CRLF3: variants seen among roughly 807,000 people sequenced by gnomAD.
The protein encoded by CRLF3 is cytokine receptor-like factor 3.
CRLF3 carries 33 observed loss-of-function variants against 55.0 expected under a neutral mutation model. That is an observed-to-expected ratio of 0.60 (90% CI 0.46 to 0.80). The LOEUF (loss-of-function observed/expected upper bound fraction) is 0.80, where lower values mean the gene tolerates loss of function less well. Among genes scored for constraint, CRLF3 ranks in the 30% least tolerant of loss-of-function variants. The pLI, the probability that CRLF3 is intolerant of heterozygous loss-of-function variation, is 0.00. For missense variants in CRLF3, 494 were observed against 538.4 expected, an observed-to-expected ratio of 0.92 and a Z score of 0.82; for synonymous variants, 238 against 196.8, an observed-to-expected ratio of 1.21 and a Z score of -1.75.
chr17:30,820,850 A>T (rs2142277212), intron 1 of CRLF3, among the ~76,000 whole-genome samples: 2 of 149,180 alleles, frequency 1.3e-5, no homozygotes, highest in Middle Eastern at 7.1e-3. Flanking sequence ...AAAAAGGAAG[A>T]AACTGTCTGG....
intron 2 of CRLF3, among the ~76,000 whole-genome samples, chr17:30,800,806 G>A (rs1323690473): frequency 4.4e-5 from 6 of 135,236 alleles, no homozygotes; most frequent in Non-Finnish European, 7.7e-5. Context: ...ACGGAGTCTC[G>A]CTCTGTCGCC....
At position 30,786,039 on chromosome 17, in the gene CRLF3, T is replaced by C. The variant is rs186684161; in HGVS notation, c.960-8A>G. The C allele has an allele frequency of 2.1e-4, 315 of 1,472,380 alleles. No individual in the cohort carries two copies. In the African/African-American group the frequency reaches 3.7e-3, roughly 17 times the overall value. The allele number at this position is 1,472,380 out of a possible 1,614,324, so 91.2% of individuals were successfully genotyped here. A position where few individuals can be genotyped will look rare whatever the true frequency, so the allele number is the denominator to read the frequency against. On this transcript the variant is annotated splice_region_variant and splice_polypyrimidine_tract_variant and intron_variant, in intron 6 of 7. Coordinates refer to ENST00000324238, the MANE Select transcript of CRLF3 (RefSeq NM_015986.4). ...TGTCCCACAGTTTCAACTCTGTAAA[T>C]GAAGTAGAAAGGTCATTTCATACTT...
At chr17:30,797,260 G>T in intron 3 of CRLF3, 51 bp downstream of exon 3, 1 of 1,243,738 alleles carries the variant, frequency 8.0e-7, no homozygotes, top group Non-Finnish European at 1.2e-6. Context: ...GAAAAAAGCA[G>T]ACATAGTTTA....
intron 7 of CRLF3, among the ~76,000 whole-genome samples, chr17:30,785,671 A>G (rs1188097769): frequency 6.6e-6 from 1 of 151,676 alleles, no homozygotes; most frequent in East Asian, 1.9e-4. Context: ...AGTCCCGGCT[A>G]CTCAGGAGGC....
chr17:30,792,595 A>G (rs202094313), intron 5 of CRLF3, 23 bp from the exon 6 acceptor site: 2 of 1,586,256 alleles, frequency 1.3e-6, no homozygotes, highest in Non-Finnish European at 1.7e-6. Context: ...AAAGATATTG[A>G]AAACTGTTAG....
At chr17:30,795,765 G>A (rs1477757341) in intron 4 of CRLF3, among the ~76,000 whole-genome samples, 11 of 152,042 alleles carry the variant, frequency 7.2e-5, no homozygotes, top group Middle Eastern at 6.8e-3. Context: ...GTGAAACCTC[G>A]TCTCTACAAA....
At chr17:30,792,363 G>C in intron 6 of CRLF3, 77 bp downstream of exon 6, 1 of 1,348,488 alleles carries the variant, frequency 7.4e-7, no homozygotes, top group African/African-American at 1.4e-5. Context: ...AGGATGTTTT[G>C]AATTCAAAGC....
intron 5 of CRLF3, 27 bp from the exon 6 acceptor site, chr17:30,792,599 C>T (rs1376733871): frequency 6.3e-7 from 1 of 1,581,950 alleles, no homozygotes; most frequent in South Asian, 1.1e-5. Context: ...ATATTGAAAA[C>T]TGTTAGAATC....
chr17:30,792,325 C>T (rs1971820264), intron 6 of CRLF3, 115 bp downstream of exon 6: 1 of 945,388 alleles, frequency 1.1e-6, no homozygotes, highest in Admixed American at 2.1e-5. Flanking sequence ...CCCACAGTAA[C>T]ACTGCCTATA....
At chr17:30,816,488 C>CTTTTTTTT (rs1183953028) in intron 1 of CRLF3, among the ~76,000 whole-genome samples, 30 of 117,442 alleles carry the variant, frequency 2.6e-4, no homozygotes, top group Middle Eastern at 4.8e-3. Context: ...TTCTTTCTTT[C>CTTTTTTTT]TTTTTTTTTT....
At position 30,793,652 on chromosome 17, in the gene CRLF3, G is replaced by C; in HGVS notation, c.624C>G (p.Ala208=). ...TACGAAACTGGAGCCTGTAATCTTG[G>C]GCTGTAAAGTCATCATCCACCTAGG... ...RWCKVDDDFT[A]QDYRLQFRKC... The change falls in exon 5 of 8, where the codon GCC becomes GCG. Residue 208 remains alanine (A), a synonymous_variant. Transcript: ENST00000324238. The C allele has an allele frequency of 6.2e-7, 1 of 1,613,200 alleles. No homozygotes were observed. The highest frequency in any genetic ancestry group is 8.5e-7 in the Non-Finnish European group (1 of 1,179,376).
At chr17:30,805,945 C>G (rs1462153727) in intron 1 of CRLF3, among the ~76,000 whole-genome samples, 1 of 152,108 alleles carries the variant, frequency 6.6e-6, no homozygotes, top group African/African-American at 2.4e-5. Flanking sequence ...ATCACCTGAG[C>G]CCAGGGGGTC....
At chr17:30,785,856 G>C in intron 7 of CRLF3, 63 bp downstream of exon 7, 2 of 879,328 alleles carry the variant, frequency 2.3e-6, no homozygotes, top group South Asian at 1.5e-5. Flanking sequence ...AACTGGAACA[G>C]ATTCACATAT....
chr17:30,791,396 G>A (rs993331331), intron 6 of CRLF3, among the ~76,000 whole-genome samples: 3 of 151,740 alleles, frequency 2.0e-5, no homozygotes, highest in Admixed American at 2.0e-4. Context: ...TAGTAAAGAT[G>A]GGGTTTTACC....
chr17:30,806,689 C>G (rs1271139621), intron 1 of CRLF3, among the ~76,000 whole-genome samples: 2 of 152,144 alleles, frequency 1.3e-5, no homozygotes, highest in African/African-American at 4.8e-5. Context: ...GGGTCTCACT[C>G]TGTTGCACAT....
At chr17:30,807,689 C>T (rs1394458223) in intron 1 of CRLF3, among the ~76,000 whole-genome samples, 2 of 151,518 alleles carry the variant, frequency 1.3e-5, no homozygotes, top group African/African-American at 4.9e-5. Context: ...CATGCCACCA[C>T]GCCTGGCTAA....
In CRLF3 at chr17:30,783,037, T is replaced by C. The variant is rs1971534897; in HGVS notation, c.*1150A>G. Reference sequence around the variant, plus strand: ...TAAGTAAGTTTTTAAAAAAAATAAGTATTTACGCTATATTTTTTTGCTCTG... The same window carrying C: ...TAAGTAAGTTTTTAAAAAAAATAAGCATTTACGCTATATTTTTTTGCTCTG... On this transcript the variant is annotated 3_prime_UTR_variant, in exon 8 of 8. Coordinates refer to ENST00000324238, the MANE Select transcript of CRLF3 (RefSeq NM_015986.4). The C allele has an allele frequency of 6.6e-6, 1 of 152,088 alleles. No individual in the cohort carries two copies. Among genetic ancestry groups the C allele is most frequent in the South Asian group, 2.1e-4 (1 of 4,834 alleles). The allele number at this position is 152,088 out of a possible 1,614,324, so 9.4% of individuals were successfully genotyped here.
chr17:30,789,925 AGG>A (rs1971750014), intron 6 of CRLF3, among the ~76,000 whole-genome samples: 1 of 152,130 alleles, frequency 6.6e-6, no homozygotes, highest in Non-Finnish European at 1.5e-5. Flanking sequence ...TAAGCAGAGA[AGG>A]GGTATGTAAG....
chr17:30,784,340 G>A lies in CRLF3; in HGVS notation c.1176C>T (p.Thr392=). Residue 392 remains threonine (T), a synonymous_variant, in exon 8 of 8, where the codon ACC becomes ACT. Transcript: ENST00000324238. ...TGAAGTGTCCACCTTCATTATTACT[G>A]GTGGTTCCTAGAGTCACGGCTTCAA... ...FDIEAVTLGT[T]SNNEGGHFKL... is the part of the protein sequence containing the mutation. 6.2e-7 allele frequency: 1 copy of A among 1,614,068 alleles called. No homozygotes were observed. The highest frequency in any genetic ancestry group is 8.5e-7 in the Non-Finnish European group (1 of 1,179,976).
Sources: allele counts gnomAD v4.1 joint callset (sites outside exome capture counted in the v4.1 genomes callset), GRCh38; gene constraint gnomAD v4.1.1; transcripts MANE v1.5; gene names NCBI Gene and HGNC (gene_info 2026-07-23, HGNC 2026-07-21).